PDLIM5: variants seen among roughly 807,000 people sequenced by gnomAD.
PDLIM5 encodes the protein PDZ and LIM domain protein 5.
PDLIM5 carries 34 observed loss-of-function variants against 64.2 expected under a neutral mutation model. The observed-to-expected ratio is 0.53, with a 90% CI of 0.40 to 0.71. The LOEUF (loss-of-function observed/expected upper bound fraction) is 0.71. Ranked by LOEUF, PDLIM5 falls within the 30% of genes least tolerant of loss-of-function variation. PDLIM5 has a pLI of 0.00. For missense variants in PDLIM5, 683 were observed against 733.6 expected (o/e 0.93, Z 0.80); for synonymous variants, 253 against 269.1 (o/e 0.94, Z 0.59).
At chr4:94,644,972 A>G (rs1419944467) in intron 9 of PDLIM5, among the ~76,000 whole-genome samples, 1 of 151,934 alleles carries the variant, frequency 6.6e-6, no homozygotes, top group Non-Finnish European at 1.5e-5. Flanking sequence ...TGCTTACATG[A>G]GTAAGTTCTT....
At position 94,603,760 on chromosome 4, in the gene PDLIM5, G is replaced by A. The variant is rs1005814776; in HGVS notation, c.921-14244G>A. Reference sequence around the variant, plus strand: ...CCCAGCCATGCCTCAGGATGTTTGCGTTCTCAGGGACCCCTGCTTCTCGGC... The same window carrying A: ...CCCAGCCATGCCTCAGGATGTTTGCATTCTCAGGGACCCCTGCTTCTCGGC... On this transcript the variant is annotated intron_variant, in intron 7 of 12. Coordinates refer to ENST00000317968, the MANE Select transcript of PDLIM5 (RefSeq NM_006457.5). Among the ~76,000 whole-genome samples the A allele has an allele frequency of 4.6e-5, 7 of 152,286 alleles. 1 individual carries two copies. In the South Asian group the frequency reaches 8.3e-4, roughly 18 times the overall value.
chr4:94,570,641 A>G (rs1734726540), intron 3 of PDLIM5, among the ~76,000 whole-genome samples: 1 of 152,244 alleles, frequency 6.6e-6, no homozygotes, highest in South Asian at 2.1e-4. Context: ...AAGTGTGAGG[A>G]AACTGTTTAG....
chr4:94,570,502 C>G (rs1440348717), intron 3 of PDLIM5, among the ~76,000 whole-genome samples: 1 of 152,098 alleles, frequency 6.6e-6, no homozygotes, highest in East Asian at 1.9e-4. Flanking sequence ...CTATTTTGTA[C>G]TTTTGTTTAT....
intron 5 of PDLIM5, chr4:94,582,590 A>G (rs745507995): frequency 1.6e-5 from 10 of 625,202 alleles, no homozygotes; most frequent in Non-Finnish European, 2.9e-5. Flanking sequence ...ATTGTTTTGA[A>G]TTTTATTTCA....
chr4:94,487,769 G>A (rs1194972070), intron 2 of PDLIM5, among the ~76,000 whole-genome samples: 1 of 152,188 alleles, frequency 6.6e-6, no homozygotes, highest in East Asian at 1.9e-4. Flanking sequence ...AGGCATTTGT[G>A]TGCTTGTGGA....
intron 2 of PDLIM5, among the ~76,000 whole-genome samples, chr4:94,487,291 A>G (rs146854214): frequency 1.1e-4 from 16 of 152,268 alleles, no homozygotes; most frequent in Admixed American, 4.6e-4. Context: ...TGCTGCCTAT[A>G]TAGATTTTGT....
intron 7 of PDLIM5, among the ~76,000 whole-genome samples, chr4:94,593,328 C>T (rs1348087362): frequency 1.3e-5 from 2 of 152,150 alleles, no homozygotes; most frequent in Non-Finnish European, 2.9e-5. Context: ...TGTTTTCAGT[C>T]AGTTTAGGCT....
chr4:94,453,205 A>G (rs909538997), intron 1 of PDLIM5, among the ~76,000 whole-genome samples: 1 of 152,164 alleles, frequency 6.6e-6, no homozygotes, highest in Non-Finnish European at 1.5e-5. Flanking sequence ...GTATGCTGCT[A>G]TTTCCTGCCT....
chr4:94,496,327 G>T (rs1053837639), intron 2 of PDLIM5, among the ~76,000 whole-genome samples: 1 of 152,090 alleles, frequency 6.6e-6, no homozygotes, highest in Non-Finnish European at 1.5e-5. Flanking sequence ...ATCAGTACAA[G>T]ATTTTTTCCA....
chr4:94,609,570 T>G (rs1738195181), intron 7 of PDLIM5, among the ~76,000 whole-genome samples: 1 of 152,204 alleles, frequency 6.6e-6, no homozygotes, highest in East Asian at 1.9e-4. Flanking sequence ...TTGGTTTATT[T>G]TCGCAAAGGT....
intron 7 of PDLIM5, among the ~76,000 whole-genome samples, chr4:94,600,978 A>G (rs539479330): frequency 1.3e-5 from 2 of 152,362 alleles, no homozygotes; most frequent in African/African-American, 4.8e-5. Flanking sequence ...AAAATCCATT[A>G]TGGAGTGGCA....
intron 7 of PDLIM5, among the ~76,000 whole-genome samples, chr4:94,606,951 C>T (rs955508296): frequency 5.3e-5 from 8 of 152,180 alleles, no homozygotes; most frequent in Non-Finnish European, 7.3e-5. Context: ...TAACCATTAA[C>T]CATTTAAAAA....
chr4:94,498,089 C>A (rs1237027147), intron 2 of PDLIM5, among the ~76,000 whole-genome samples: 1 of 152,132 alleles, frequency 6.6e-6, no homozygotes, highest in Non-Finnish European at 1.5e-5. Flanking sequence ...TGAGGATTGA[C>A]CTGGGCTTTC....
At chr4:94,587,754 T>A in intron 7 of PDLIM5, 1 of 980,114 alleles carries the variant, frequency 1.0e-6, no homozygotes. Flanking sequence ...TTTGGTTTGG[T>A]TGGATTTGCA....
chr4:94,621,143 A>G (rs1013828344), intron 8 of PDLIM5, among the ~76,000 whole-genome samples: 1 of 151,394 alleles, frequency 6.6e-6, no homozygotes, highest in African/African-American at 2.4e-5. Flanking sequence ...AGGCCATGGC[A>G]TATGAGTTAG....
chr4:94,660,647 A>G (rs1284303475), intron 11 of PDLIM5, among the ~76,000 whole-genome samples: 1 of 152,218 alleles, frequency 6.6e-6, no homozygotes, highest in Non-Finnish European at 1.5e-5. Context: ...GTACCCCTGC[A>G]GTGCCTTGAA....
Position 94,665,831 on chromosome 4 carries a change from G to A in PDLIM5, c.*1764G>A. 1 of 1,336,304 alleles carries A rather than the reference G, an allele frequency of 7.5e-7. No individual in the cohort carries two copies. The highest frequency in any genetic ancestry group is 9.5e-7 in the Non-Finnish European group (1 of 1,048,378). The allele number at this position is 1,336,304 out of a possible 1,614,324, so 82.8% of individuals were successfully genotyped here. On this transcript the variant is annotated 3_prime_UTR_variant, in exon 13 of 13. Transcript: ENST00000317968. ...GTTTGGAAAGCTTTTATTCACAGAG[G>A]TTGGGTAGTGTTGGGAGGGGAGTTT...
chr4:94,620,477 C>T (rs912300662), intron 8 of PDLIM5, among the ~76,000 whole-genome samples: 6 of 151,830 alleles, frequency 4.0e-5, no homozygotes, highest in African/African-American at 1.5e-4. Context: ...GTTGAGGCTA[C>T]AGTGAGCTGT....
rs1231120360 is a variant in PDLIM5 at position 94,615,163 on chromosome 4, G to A, written c.921-2841G>A. Among the ~76,000 whole-genome samples the A allele has an allele frequency of 2.6e-5, 4 of 152,048 alleles. No homozygotes were observed. The East Asian group carries it at 7.7e-4, about 29-fold the overall frequency. The stretch of plus-strand genomic sequence containing the variant: ...ATTTTTATACCATTTTACAGGTGAG[G>A]AAATTTACCAAGTTTAAATAATTTA... On this transcript the variant is annotated intron_variant, in intron 7 of 12. Coordinates refer to ENST00000317968, the MANE Select transcript of PDLIM5 (RefSeq NM_006457.5).
Sources: allele counts gnomAD v4.1 joint callset (sites outside exome capture counted in the v4.1 genomes callset), GRCh38; gene constraint gnomAD v4.1.1; transcripts MANE v1.5; gene names NCBI Gene and HGNC (gene_info 2026-07-23, HGNC 2026-07-21).